The following INPP4B variants were observed in gnomAD, a reference collection of about 807,000 sequenced individuals.
INPP4B encodes inositol polyphosphate 4-phosphatase type II.
A neutral mutation model predicts 122.5 loss-of-function variants in INPP4B; 55 were observed. That is an observed-to-expected ratio of 0.45 (90% confidence interval 0.36 to 0.56). INPP4B has a LOEUF of 0.56. INPP4B is among the 20% of genes least tolerant of loss of function. INPP4B has a pLI of 0.00. For synonymous variants in INPP4B, 403 were observed against 388.7 expected, an observed-to-expected ratio of 1.04 and a Z score of -0.43; for missense variants, 1,000 against 1,097.7, an observed-to-expected ratio of 0.91 and a Z score of 1.26.
At chr4:142,187,664 G>A (rs1579218927) in intron 15 of INPP4B, among the ~76,000 whole-genome samples, 2 of 151,888 alleles carry the variant, frequency 1.3e-5, no homozygotes, top group East Asian at 3.9e-4. Context: ...GGTGATCTTG[G>A]CTCACTGCAA....
rs1270705953 is a variant in INPP4B, at chr4:142,305,701, T to C, written c.424-164A>G. ...TAAAATTATCAATAATATATCTACC[T>C]CATGGGGTAGGATTAAAGGGTGAAA... On this transcript the variant is annotated intron_variant, in intron 8 of 25. Coordinates refer to ENST00000262992, the MANE Select transcript of INPP4B (RefSeq NM_001101669.3). 6.2e-6 allele frequency: 9 copies of C among 1,449,430 alleles called. No homozygotes were observed. In the South Asian group the frequency reaches 1.2e-4, roughly 19 times the overall value. 89.8% of individuals were successfully genotyped at this position (1,449,430 alleles called of 1,614,324 possible).
chr4:142,188,618 A>C (rs963676521), intron 15 of INPP4B, among the ~76,000 whole-genome samples: 1 of 151,138 alleles, frequency 6.6e-6, no homozygotes, highest in East Asian at 1.9e-4. Flanking sequence ...TCAAAGGTCT[A>C]AGTGGAGTCT....
chr4:142,594,493 C>T (rs979645255), intron 2 of INPP4B, among the ~76,000 whole-genome samples: 1 of 152,060 alleles, frequency 6.6e-6, no homozygotes, highest in Non-Finnish European at 1.5e-5. Context: ...AAAACAGACA[C>T]AGAGAGAAAG....
At chr4:142,762,859 AT>A (rs1358080606) in intron 1 of INPP4B, among the ~76,000 whole-genome samples, 1 of 152,134 alleles carries the variant, frequency 6.6e-6, no homozygotes, top group Non-Finnish European at 1.5e-5. Context: ...TTAGGAGGTG[AT>A]TACATCATGA....
At chr4:142,408,135 G>A (rs373020018) in intron 5 of INPP4B, among the ~76,000 whole-genome samples, 1 of 151,960 alleles carries the variant, frequency 6.6e-6, no homozygotes, top group East Asian at 1.9e-4. Context: ...CCCACCAGAC[G>A]GCTGATAAAT....
At chr4:142,564,089 T>C (rs1049972251) in intron 2 of INPP4B, among the ~76,000 whole-genome samples, 6 of 152,214 alleles carry the variant, frequency 3.9e-5, no homozygotes, top group African/African-American at 1.4e-4. Flanking sequence ...AGAATCCATA[T>C]AGAAACTTCC....
At chr4:142,568,225 A>G (rs542137851) in intron 2 of INPP4B, among the ~76,000 whole-genome samples, 4 of 151,916 alleles carry the variant, frequency 2.6e-5, no homozygotes, top group Non-Finnish European at 1.5e-5. Context: ...GATCTTACCA[A>G]GGAAGTTCTT....
At chr4:142,376,086 A>ATAATATAAGAAATAT (rs1791741348) in intron 7 of INPP4B, among the ~76,000 whole-genome samples, 1 of 152,006 alleles carries the variant, frequency 6.6e-6, no homozygotes, top group Non-Finnish European at 1.5e-5. Flanking sequence ...TGCATATGTC[A>ATAATATAAGAAATAT]TTTCTTTATA....
rs149734428 is a variant in INPP4B, at chr4:142,266,239, A to G, written c.615+4424T>C. On this transcript the variant is annotated intron_variant, in intron 10 of 25. Transcript: ENST00000262992. ...GATGGAATGAAGGGATCCAGCCCTAAGACAGGGTTTCGAATGCACAAACTC... is the reference window on the plus strand; with the variant it reads ...GATGGAATGAAGGGATCCAGCCCTAGGACAGGGTTTCGAATGCACAAACTC... 8.7e-3 allele frequency among the ~76,000 whole-genome samples: 1,326 copies of G among 152,270 alleles called. 8 individuals carry two copies. The highest frequency in any genetic ancestry group is 0.024 in the South Asian group (115 of 4,824).
chr4:142,523,132 G>A (rs1463522277), intron 2 of INPP4B, among the ~76,000 whole-genome samples: 1 of 152,082 alleles, frequency 6.6e-6, no homozygotes, highest in Non-Finnish European at 1.5e-5. Flanking sequence ...TAGGACAGAG[G>A]TTCTCAAAGT....
chr4:142,148,765 G>T (rs186417040), intron 17 of INPP4B, among the ~76,000 whole-genome samples: 2 of 152,154 alleles, frequency 1.3e-5, no homozygotes, highest in East Asian at 3.9e-4. Context: ...TCTGAGGAGC[G>T]TAGTGAAGCA....
chr4:142,544,317 G>A (rs535111182), intron 2 of INPP4B, among the ~76,000 whole-genome samples: 199 of 152,136 alleles, frequency 1.3e-3, no homozygotes, highest in Non-Finnish European at 2.1e-3. Flanking sequence ...TTTGATTGTG[G>A]ATAAGATGTG....
intron 7 of INPP4B, among the ~76,000 whole-genome samples, chr4:142,320,947 T>C (rs186048209): frequency 6.6e-6 from 1 of 152,358 alleles, no homozygotes; most frequent in East Asian, 1.9e-4. Flanking sequence ...GCAAGTGTCT[T>C]TTTCATATGA....
chr4:142,708,585 G>A (rs1762738370), intron 2 of INPP4B, among the ~76,000 whole-genome samples: 1 of 152,176 alleles, frequency 6.6e-6, no homozygotes, highest in African/African-American at 2.4e-5. Flanking sequence ...GCTCCAGAGG[G>A]TGTAAGCTAT....
At chr4:142,505,331 T>C (rs1035145837) in intron 2 of INPP4B, among the ~76,000 whole-genome samples, 4 of 151,954 alleles carry the variant, frequency 2.6e-5, no homozygotes, top group African/African-American at 7.3e-5. Flanking sequence ...TCAATAAAAA[T>C]GGTGATGACT....
intron 2 of INPP4B, among the ~76,000 whole-genome samples, chr4:142,658,217 C>A (rs911319365): frequency 3.9e-5 from 6 of 152,064 alleles, no homozygotes; most frequent in African/African-American, 1.4e-4. Flanking sequence ...TAATCCTTTT[C>A]AAAAAATGGT....
chr4:142,145,887 C>A lies in INPP4B; in HGVS notation c.1673G>T (p.Gly558Val), dbSNP rs753099355. 4.3e-6 allele frequency: 7 copies of A among 1,613,722 alleles called. No homozygotes were observed. The Admixed American group carries it at 8.3e-5, about 19-fold the overall frequency. The part of the protein sequence containing the change: ...GSEGSGGNND[G>V]EKEPSLTDAI... ...ATCTGTTAATGAAGGTTCCTTTTCT[C>A]CATCATTGTTGCCGCCACTGCCTTC... Residue 558 changes from glycine (G) to valine (V), a missense_variant, in exon 18 of 26, where the codon GGA (glycine) becomes GTA (valine). Coordinates refer to ENST00000262992, the MANE Select transcript of INPP4B (RefSeq NM_001101669.3).
intron 2 of INPP4B, among the ~76,000 whole-genome samples, chr4:142,500,730 C>T (rs1230047476): frequency 7.2e-5 from 11 of 151,952 alleles, no homozygotes; most frequent in Non-Finnish European, 1.0e-4. Flanking sequence ...TATGCAACAA[C>T]ATAGATGGAT....
At chr4:142,071,956 A>G (rs566261251) in intron 25 of INPP4B, among the ~76,000 whole-genome samples, 16 of 152,328 alleles carry the variant, frequency 1.1e-4, no homozygotes, top group Admixed American at 6.5e-4. Flanking sequence ...AGAACTAGAA[A>G]TACCATTTGA....
Sources: allele counts gnomAD v4.1 joint callset (sites outside exome capture counted in the v4.1 genomes callset), GRCh38; gene constraint gnomAD v4.1.1; transcripts MANE v1.5; gene names NCBI Gene and HGNC (gene_info 2026-07-23, HGNC 2026-07-21).